Variants in STK32C observed in about 807,000 individuals in gnomAD.
STK32C encodes the protein serine/threonine-protein kinase 32C.
A neutral mutation model predicts 56.5 loss-of-function variants in STK32C; 31 were observed. The observed-to-expected ratio is 0.55, with a 90% CI of 0.41 to 0.74. The LOEUF is 0.74. Ranked by LOEUF, STK32C falls within the 30% of genes least tolerant of loss-of-function variation. The pLI is 0.00. For missense variants in STK32C, 544 were observed against 676.9 expected, an observed-to-expected ratio of 0.80 and a Z score of 2.18; for synonymous variants, 309 against 289.4, an observed-to-expected ratio of 1.07 and a Z score of -0.69.
chr10:132,289,025 T>C (rs2138288740), intron 1 of STK32C, among the ~76,000 whole-genome samples: 1 of 152,238 alleles, frequency 6.6e-6, no homozygotes, highest in South Asian at 2.1e-4. Context: ...ATGAACTAAG[T>C]TGGTGGACAT....
In STK32C at chr10:132,289,151, G is replaced by A. The variant is rs943747458; in HGVS notation, c.262+18421C>T. Reference sequence around the variant, plus strand: ...ACATACTGGTTTTTGACAAAAGCACGAAGGTAATCCAATGGGGAAAGCTAA... The same window carrying A: ...ACATACTGGTTTTTGACAAAAGCACAAAGGTAATCCAATGGGGAAAGCTAA... On this transcript the variant is annotated intron_variant, in intron 1 of 11. Transcript: ENST00000298630. Among the ~76,000 whole-genome samples, 10 of 152,296 alleles carry A rather than the reference G, an allele frequency of 6.6e-5. No individual in the cohort carries two copies. In the East Asian group the frequency reaches 1.4e-3, roughly 21 times the overall value.
At position 132,224,475 on chromosome 10, in the gene STK32C, G is replaced by C; in HGVS notation, c.925C>G (p.Leu309Val). ...TACTGGACGCTCACGGTGCTGAACAGCTGCACCAGGGACTCCACGGCGTTG... is the reference window on the plus strand; with the variant it reads ...TACTGGACGCTCACGGTGCTGAACACCTGCACCAGGGACTCCACGGCGTTG... ...SSNAVESLVQ[L>V]FSTVSVQYVP... is the part of the protein sequence containing the mutation. The change falls in exon 8 of 12, where the codon CTG becomes GTG. Residue 309 changes from leucine to valine, a missense_variant. Transcript: ENST00000298630. The C allele has an allele frequency of 6.3e-7, 1 of 1,582,442 alleles. No individual in the cohort carries two copies. The highest frequency in any genetic ancestry group is 8.6e-7 in the Non-Finnish European group (1 of 1,164,442).
Position 132,331,541 on chromosome 10 carries a change from T to C in STK32C, c.196A>G (p.Asn66Asp), listed in dbSNP as rs114666623. Residue 66 changes from asparagine to aspartate, a missense_variant, in exon 1 of 2, where the codon AAT becomes GAT. Coordinates refer to the STK32C transcript ENST00000368619. ...CTGGCAGCAAGTCCTGAGGCAAGAT[T>C]TGGGGACAAGCAGCTCCTGTGGGAA... The C allele has an allele frequency of 1.5e-3, 2,374 of 1,612,870 alleles. 30 individuals are homozygous for C. In the African/African-American group the frequency reaches 0.025, roughly 17 times the overall value.
At chr10:132,246,623 C>A (rs2137938405) in intron 1 of STK32C, among the ~76,000 whole-genome samples, 1 of 152,340 alleles carries the variant, frequency 6.6e-6, no homozygotes, top group South Asian at 2.1e-4. Flanking sequence ...ACCTGCAAGT[C>A]CCTCCGGGAG....
chr10:132,248,034 C>T (rs531985986), intron 1 of STK32C, among the ~76,000 whole-genome samples: 6 of 151,760 alleles, frequency 4.0e-5, no homozygotes, highest in Admixed American at 2.0e-4. Flanking sequence ...CAGGCGGCAG[C>T]TGCCCCACCC....
chr10:132,304,657 G>A (rs1424946223), intron 1 of STK32C, among the ~76,000 whole-genome samples: 3 of 152,224 alleles, frequency 2.0e-5, no homozygotes, highest in Non-Finnish European at 4.4e-5. Flanking sequence ...TACAGATACC[G>A]TGGCATAAAG....
chr10:132,262,753 C>CAA (rs34135037), intron 1 of STK32C, among the ~76,000 whole-genome samples: 19,285 of 72,608 alleles, frequency 0.27, 2,686 homozygotes, highest in Non-Finnish European at 0.38. Flanking sequence ...GACTCCATCT[C>CAA]AAAAAAAAAA....
downstream of STK32C, among the ~76,000 whole-genome samples, chr10:132,322,002 T>G (rs552071451): frequency 7.9e-5 from 12 of 152,250 alleles, no homozygotes; most frequent in African/African-American, 2.4e-4. Context: ...CCCCAGATGC[T>G]CCCAAGATAT....
chr10:132,208,976 C>G, intron 11 of STK32C, 58 bp downstream of exon 11: 2 of 1,553,006 alleles, frequency 1.3e-6, no homozygotes, highest in Admixed American at 1.7e-5. Context: ...AAAACCTTAA[C>G]CTTAGCCCCA....
chr10:132,208,476 G>A (rs145230136), intron 11 of STK32C, among the ~76,000 whole-genome samples: 3,139 of 152,296 alleles, frequency 0.021, 100 homozygotes, highest in South Asian at 0.1. Flanking sequence ...TGATCCCCAG[G>A]GTGCCAGTCA....
chr10:132,250,324 GT>G, intron 1 of STK32C, among the ~76,000 whole-genome samples: 1 of 145,340 alleles, frequency 6.9e-6, no homozygotes, highest in East Asian at 2.1e-4. Context: ...GAGAGGGCAG[GT>G]GTGTGTGAGG....
intron 1 of STK32C, among the ~76,000 whole-genome samples, chr10:132,300,913 T>C (rs1467497196): frequency 6.6e-6 from 1 of 152,160 alleles, no homozygotes; most frequent in Non-Finnish European, 1.5e-5. Flanking sequence ...TTATCTCCAG[T>C]TATACACAGA....
intron 2 of STK32C, among the ~76,000 whole-genome samples, chr10:132,232,685 G>A (rs1394924934): frequency 6.6e-6 from 1 of 151,950 alleles, no homozygotes; most frequent in Non-Finnish European, 1.5e-5. Context: ...CCCGGGCTCC[G>A]GAGCCCTGGG....
intron 1 of STK32C, among the ~76,000 whole-genome samples, chr10:132,293,121 T>C (rs2138315758): frequency 6.6e-6 from 1 of 152,268 alleles, no homozygotes; most frequent in East Asian, 1.9e-4. Flanking sequence ...AGCGCGTGCA[T>C]GCGTGCGGGG....
upstream of STK32C, among the ~76,000 whole-genome samples, chr10:132,311,340 G>A (rs2066216695): frequency 6.6e-6 from 1 of 152,228 alleles, no homozygotes; most frequent in Non-Finnish European, 1.5e-5. The surrounding 1 kb of genome is among the most constrained non-coding windows in gnomAD (Gnocchi z 4.4). Context: ...GGCTCCCATG[G>A]GACTCCGATG....
rs1311035234 is a variant in STK32C, at chr10:132,254,641, G to A, written c.263-8686C>T. On this transcript the variant is annotated intron_variant, in intron 1 of 11. Transcript: ENST00000298630. ...CCCAGGAGAGTAAAATAAGCCTGCC[G>A]CAGGGCGCCGGGAATCAGCACTATG... 1.0e-4 allele frequency among the ~76,000 whole-genome samples: 5 copies of A among 48,826 alleles called. 2 individuals are homozygous for A. The highest frequency in any genetic ancestry group is 2.8e-4 in the Admixed American group (2 of 7,140). The allele number at this position is 48,826 out of a possible 152,430, so 32.0% of individuals were successfully genotyped here. A position where few individuals can be genotyped will look rare whatever the true frequency, so the allele number is the denominator to read the frequency against.
chr10:132,273,762 G>C (rs1050067151), intron 1 of STK32C, among the ~76,000 whole-genome samples: 1 of 152,144 alleles, frequency 6.6e-6, no homozygotes, highest in African/African-American at 2.4e-5. Flanking sequence ...AATGCAGTGA[G>C]TGAATGAACA....
chr10:132,245,775 C>T (rs1003236622), intron 2 of STK32C, 125 bp downstream of exon 2: 1 of 939,524 alleles, frequency 1.1e-6, no homozygotes, highest in Admixed American at 2.1e-5. Context: ...CCTGGAGCCT[C>T]TGCCCAGGTA....
chr10:132,310,833 A>G (rs1454485816), upstream of STK32C, among the ~76,000 whole-genome samples: 1 of 152,214 alleles, frequency 6.6e-6, no homozygotes, highest in Admixed American at 6.5e-5. This position sits in a 1 kb window ranked among gnomAD's most constrained non-coding sequence, Gnocchi z 4.6. Context: ...GTCCAGCATG[A>G]GTCTCTGAGC....
Sources: allele counts gnomAD v4.1 joint callset (sites outside exome capture counted in the v4.1 genomes callset), GRCh38; gene constraint gnomAD v4.1.1; non-coding constraint Gnocchi (gnomAD v3.1); transcripts MANE v1.5; gene names NCBI Gene and HGNC (gene_info 2026-07-23, HGNC 2026-07-21).